The following DSCAM variants were observed in gnomAD, a reference collection of about 807,000 sequenced individuals.
DSCAM encodes DS cell adhesion molecule.
A neutral mutation model predicts 217.7 loss-of-function variants in DSCAM; 47 were observed. That is an observed-to-expected ratio of 0.22 (90% CI 0.17 to 0.28). The LOEUF (loss-of-function observed/expected upper bound fraction) is 0.28, where lower values mean the gene tolerates loss of function less well. Ranked by LOEUF, DSCAM falls within the 10% of genes least tolerant of loss-of-function variation. The pLI, the probability that DSCAM is intolerant of heterozygous loss-of-function variation, is 1.00. For missense variants in DSCAM, 2,080 were observed against 2,618.3 expected (o/e 0.79, Z 4.49); for synonymous variants, 1,056 against 1,015.3 (o/e 1.04, Z -0.76).
At chr21:40,314,797 G>T (rs1459360564) in intron 8 of DSCAM, among the ~76,000 whole-genome samples, 1 of 152,158 alleles carries the variant, frequency 6.6e-6, no homozygotes, top group East Asian at 1.9e-4. Context: ...TTTAAGTTCA[G>T]CTATGCTACT....
At chr21:40,817,763 A>G (rs1203858888) in intron 1 of DSCAM, among the ~76,000 whole-genome samples, 1 of 152,170 alleles carries the variant, frequency 6.6e-6, no homozygotes, top group Non-Finnish European at 1.5e-5. Flanking sequence ...ACAGAGTAGA[A>G]GGTAAAAGGA....
intron 3 of DSCAM, among the ~76,000 whole-genome samples, chr21:40,411,523 T>G (rs1485502180): frequency 6.6e-6 from 1 of 152,122 alleles, no homozygotes; most frequent in Non-Finnish European, 1.5e-5. Context: ...TCATATGCTG[T>G]GTAAAAGAAA....
chr21:40,013,135 C>T lies in DSCAM; in HGVS notation c.5938G>A (p.Gly1980Arg). Residue 1980 changes from glycine (G) to arginine (R), a missense_variant, in exon 33 of 33, where the codon GGA becomes AGA. Physicochemically the swap from Gly to Arg is moderately radical, Grantham distance 125. This residue lies in a region of DSCAM where 145 missense variants were observed against 138.5 expected (regional missense o/e 1.05). Transcript: ENST00000400454. ...TLPQREGAEL[G>R]QAAKMSSSQE... Reference sequence around the variant, plus strand: ...GAGCTGCTCATTTTAGCTGCCTGTCCCAGCTCTGCTCCCTCCCGCTGAGGT... The same window carrying T: ...GAGCTGCTCATTTTAGCTGCCTGTCTCAGCTCTGCTCCCTCCCGCTGAGGT... The T allele has an allele frequency of 1.9e-6, 3 of 1,612,362 alleles. No individual in the cohort carries two copies. Among genetic ancestry groups the T allele is most frequent in the Non-Finnish European group, 2.5e-6 (3 of 1,179,012 alleles).
intron 20 of DSCAM, among the ~76,000 whole-genome samples, chr21:40,105,232 T>G (rs2089803415): frequency 6.6e-6 from 1 of 152,202 alleles, no homozygotes; most frequent in South Asian, 2.1e-4. Flanking sequence ...ACATAATGCC[T>G]AGTGGACAAA....
chr21:40,823,468 A>T (rs2091945757), intron 1 of DSCAM, among the ~76,000 whole-genome samples: 1 of 152,156 alleles, frequency 6.6e-6, no homozygotes, highest in South Asian at 2.1e-4. Context: ...TAAACTTAAA[A>T]TTTTTCAGGA....
intron 3 of DSCAM, among the ~76,000 whole-genome samples, chr21:40,397,729 T>C (rs1352313721): frequency 2.0e-5 from 3 of 151,762 alleles, no homozygotes; most frequent in Non-Finnish European, 4.4e-5. Context: ...CTATTGGCGG[T>C]ACTACTACTA....
intron 3 of DSCAM, among the ~76,000 whole-genome samples, chr21:40,584,932 C>T (rs888884823): frequency 6.6e-6 from 1 of 152,068 alleles, no homozygotes; most frequent in Admixed American, 6.6e-5. Flanking sequence ...TGGCTTGGTG[C>T]CGTCTTCACG....
At chr21:40,347,295 T>C (rs960950516) in intron 6 of DSCAM, among the ~76,000 whole-genome samples, 30 of 112,612 alleles carry the variant, frequency 2.7e-4, no homozygotes, top group Admixed American at 1.4e-3. Flanking sequence ...TGAAACTCCA[T>C]CTCAAAAAAA....
At chr21:40,481,956 G>A (rs962476141) in intron 3 of DSCAM, among the ~76,000 whole-genome samples, 2 of 152,204 alleles carry the variant, frequency 1.3e-5, no homozygotes, top group African/African-American at 2.4e-5. Context: ...AGTGGATCCT[G>A]TCACCCATAG....
At chr21:40,190,892 G>C (rs796069193) in intron 11 of DSCAM, among the ~76,000 whole-genome samples, 3 of 152,286 alleles carry the variant, frequency 2.0e-5, no homozygotes, top group Admixed American at 6.5e-5. Flanking sequence ...AACTATGCAA[G>C]AATGTTTAAA....
intron 3 of DSCAM, among the ~76,000 whole-genome samples, chr21:40,423,762 A>G (rs12627508): frequency 6.6e-6 from 1 of 152,160 alleles, no homozygotes; most frequent in South Asian, 2.1e-4. Flanking sequence ...TAACTCAGAT[A>G]CCATCCACCA....
Position 40,241,428 on chromosome 21 carries a change from G to A in DSCAM, c.2356+34669C>T, listed in dbSNP as rs142486216. Among the ~76,000 whole-genome samples, 877 of 152,096 alleles carry A rather than the reference G, an allele frequency of 5.8e-3. 10 individuals carry two copies. Among genetic ancestry groups the A allele is most frequent in the African/African-American group, 0.02 (832 of 41,498 alleles). On this transcript the variant is annotated intron_variant, in intron 11 of 32. Coordinates refer to ENST00000400454, the MANE Select transcript of DSCAM (RefSeq NM_001389.5). ...TCACTAGAGAAATGCAAATCAAGACGACAATGATATACCATCTCATACCAG... is the reference window on the plus strand; with the variant it reads ...TCACTAGAGAAATGCAAATCAAGACAACAATGATATACCATCTCATACCAG...
intron 1 of DSCAM, among the ~76,000 whole-genome samples, chr21:40,750,153 C>G (rs2146559993): frequency 6.6e-6 from 1 of 152,168 alleles, no homozygotes; most frequent in East Asian, 1.9e-4. Flanking sequence ...GTCTCAAACT[C>G]CCAACCTGAG....
intron 3 of DSCAM, among the ~76,000 whole-genome samples, chr21:40,594,745 A>T (rs976760220): frequency 6.6e-6 from 1 of 152,222 alleles, no homozygotes; most frequent in African/African-American, 2.4e-5. Context: ...GTCTACAGTA[A>T]CAGATGTGGG....
chr21:40,390,602 C>T (rs931238541), intron 3 of DSCAM, among the ~76,000 whole-genome samples: 4 of 152,132 alleles, frequency 2.6e-5, no homozygotes, highest in East Asian at 1.9e-4. Flanking sequence ...TTGGCAGGTC[C>T]GTACCTACTC....
intron 6 of DSCAM, among the ~76,000 whole-genome samples, chr21:40,344,100 T>C (rs772606524): frequency 1.4e-4 from 21 of 152,026 alleles, no homozygotes; most frequent in Non-Finnish European, 2.8e-4. Context: ...GATTTTGCCA[T>C]GTTGGCCAGG....
At position 40,428,406 on chromosome 21, in the gene DSCAM, G is replaced by A. The variant is rs141692332; in HGVS notation, c.509-59161C>T. On this transcript the variant is annotated intron_variant, in intron 3 of 32. Coordinates refer to ENST00000400454, the MANE Select transcript of DSCAM (RefSeq NM_001389.5). ...CTGCCTCAGCCTCCAGAGTAACTGG[G>A]ATTACAGGCATGCACCACCATGCCC... Among the ~76,000 whole-genome samples the A allele has an allele frequency of 3.2e-3, 483 of 152,056 alleles. 2 individuals carry two copies. Among genetic ancestry groups the A allele is most frequent in the African/African-American group, 8.4e-3 (348 of 41,466 alleles).
At chr21:40,066,843 G>A (rs1244495120) in intron 27 of DSCAM, among the ~76,000 whole-genome samples, 2 of 152,230 alleles carry the variant, frequency 1.3e-5, no homozygotes, top group East Asian at 3.9e-4. Context: ...TGGGCCCCTG[G>A]TGGTCCCTTC....
rs148762406 is a variant in DSCAM, at chr21:40,342,548, C to T, written c.1211-3133G>A. ...GTAGGGATTAATACTCATTTTTTTG[C>T]CATACATTTATTGAGTTGTTTCAGT... On this transcript the variant is annotated intron_variant, in intron 6 of 32. Transcript: ENST00000400454. Among the ~76,000 whole-genome samples the T allele has an allele frequency of 2.0e-3, 299 of 147,504 alleles. 1 individual carries two copies. Among genetic ancestry groups the T allele is most frequent in the African/African-American group, 6.7e-3 (267 of 39,978 alleles).
Sources: gnomAD v4.1 joint callset for allele counts (sites outside exome capture counted in the v4.1 genomes callset) on GRCh38, gnomAD v4.1.1 for gene constraint, gnomAD v4.1.1 regional missense constraint, MANE v1.5 for transcripts, NCBI Gene and HGNC (gene_info 2026-07-23, HGNC 2026-07-21) for gene names.